The following XKR9 variants were observed in gnomAD, a reference collection of about 807,000 sequenced individuals.
The protein encoded by XKR9 is XK related 9.
In XKR9, 32 loss-of-function variants were observed where a neutral mutation model predicts 32.0. The ratio of observed to expected loss-of-function variants is 1.00; its 90% CI spans 0.76 to 1.34. The LOEUF is 1.34. Ranked by LOEUF, XKR9 falls within the 40% of genes most tolerant of loss-of-function variation. XKR9 has a pLI of 0.00. For missense variants in XKR9, 546 were observed against 429.7 expected (o/e 1.27, Z -2.39); for synonymous variants, 168 against 143.4 (o/e 1.17, Z -1.22).
chr8:70,790,795 G>T (rs926493330), downstream of XKR9, among the ~76,000 whole-genome samples: 2 of 151,938 alleles, frequency 1.3e-5, no homozygotes, highest in Non-Finnish European at 2.9e-5. Context: ...CATAAATTGG[G>T]TGGCTTATTA....
chr8:70,782,994 A>T (rs867522768), intron 2 of XKR9, among the ~76,000 whole-genome samples: 1 of 152,176 alleles, frequency 6.6e-6, no homozygotes, highest in Non-Finnish European at 1.5e-5. Flanking sequence ...TTGAGAAACC[A>T]TACAGTTTTC....
At chr8:70,779,334 G>T (rs1300046431) in intron 2 of XKR9, among the ~76,000 whole-genome samples, 1 of 152,142 alleles carries the variant, frequency 6.6e-6, no homozygotes, top group Non-Finnish European at 1.5e-5. Context: ...TTTTTGATAT[G>T]CTGCTGGATT....
the XKR9 span, among the ~76,000 whole-genome samples, chr8:70,968,977 G>A: frequency 6.6e-6 from 1 of 152,186 alleles, no homozygotes; most frequent in African/African-American, 2.4e-5. Context: ...CAGAGCAGTT[G>A]CACCATGCTG....
intron 4 of XKR9, among the ~76,000 whole-genome samples, chr8:70,719,403 G>A (rs1320633563): frequency 1.3e-5 from 2 of 152,138 alleles, no homozygotes; most frequent in Non-Finnish European, 2.9e-5. Flanking sequence ...GAATGGTATT[G>A]CCTAGGTTTT....
chr8:70,786,727 G>A (rs1376493906), intron 2 of XKR9, among the ~76,000 whole-genome samples: 2 of 152,004 alleles, frequency 1.3e-5, no homozygotes, highest in Non-Finnish European at 2.9e-5. Flanking sequence ...CAGTGACTTT[G>A]TGTCTTTTTA....
the XKR9 span, among the ~76,000 whole-genome samples, chr8:70,907,472 A>G: frequency 6.6e-6 from 1 of 152,140 alleles, no homozygotes; most frequent in South Asian, 2.1e-4. Context: ...ACCTTGCTGT[A>G]TTCATATATT....
chr8:70,777,887 C>A (rs924392963), intron 2 of XKR9, among the ~76,000 whole-genome samples: 1 of 152,080 alleles, frequency 6.6e-6, no homozygotes. Flanking sequence ...CAAACATGGT[C>A]TTCCATTCTG....
chr8:70,745,256 C>T (rs1340817602), intron 2 of XKR9, among the ~76,000 whole-genome samples: 3 of 152,054 alleles, frequency 2.0e-5, no homozygotes, highest in African/African-American at 7.2e-5. Context: ...TAATTTTATC[C>T]TCATGTTCTA....
At chr8:70,824,901 G>T in the XKR9 span, among the ~76,000 whole-genome samples, 1 of 151,918 alleles carries the variant, frequency 6.6e-6, no homozygotes, top group Non-Finnish European at 1.5e-5. Flanking sequence ...AGGGCAACAA[G>T]TACTAAGTAG....
At chr8:70,676,823 A>T (rs1818903359) in intron 2 of XKR9, among the ~76,000 whole-genome samples, 1 of 152,100 alleles carries the variant, frequency 6.6e-6, no homozygotes, top group Non-Finnish European at 1.5e-5. Context: ...CAGCCTGGGT[A>T]ATATAGAGAG....
the XKR9 span, among the ~76,000 whole-genome samples, chr8:70,871,263 A>C: frequency 6.6e-6 from 1 of 152,186 alleles, no homozygotes; most frequent in South Asian, 2.1e-4. Context: ...GAGATAACTA[A>C]TCATAAGCTT....
At chr8:71,015,797 G>A in the XKR9 span, among the ~76,000 whole-genome samples, 1 of 151,938 alleles carries the variant, frequency 6.6e-6, no homozygotes, top group East Asian at 1.9e-4. Context: ...AAACTTTTGA[G>A]TGGCTATTTT....
At chr8:70,740,057 G>T (rs1181841857), downstream of XKR9, among the ~76,000 whole-genome samples, 1 of 152,210 alleles carries the variant, frequency 6.6e-6, no homozygotes, top group African/African-American at 2.4e-5. Context: ...ATATCCTGCA[G>T]AGTGTTTTCC....
At chr8:70,973,534 T>G in the XKR9 span, among the ~76,000 whole-genome samples, 4 of 152,164 alleles carry the variant, frequency 2.6e-5, no homozygotes, top group Non-Finnish European at 4.4e-5. Context: ...TCCAGTTCCA[T>G]GAGGTGTGAC....
At chr8:70,684,681 G>A (rs1048148897) in intron 3 of XKR9, among the ~76,000 whole-genome samples, 13 of 149,472 alleles carry the variant, frequency 8.7e-5, no homozygotes, top group African/African-American at 2.2e-4. Flanking sequence ...AAAAGTGGGC[G>A]AAGGACATGA....
the XKR9 span, among the ~76,000 whole-genome samples, chr8:70,835,495 A>C: frequency 6.6e-6 from 1 of 152,054 alleles, no homozygotes; most frequent in Non-Finnish European, 1.5e-5. Flanking sequence ...GTCAATAATC[A>C]TTTATTGAAT....
At chr8:70,969,857 G>A in the XKR9 span, among the ~76,000 whole-genome samples, 16 of 152,136 alleles carry the variant, frequency 1.1e-4, no homozygotes, top group African/African-American at 2.7e-4. Flanking sequence ...CATCACCCGA[G>A]CAATATACAC....
intron 2 of XKR9, among the ~76,000 whole-genome samples, chr8:70,776,923 T>TCCCTCTCTC (rs1563477157): frequency 1.7e-5 from 1 of 59,618 alleles, no homozygotes; most frequent in Non-Finnish European, 3.2e-5. Context: ...TTCTCTTTCT[T>TCCCTCTCTC]TCTCTCTCTC....
chr8:71,001,983 A>G, the XKR9 span, among the ~76,000 whole-genome samples: 3 of 152,314 alleles, frequency 2.0e-5, no homozygotes, highest in East Asian at 5.8e-4. Flanking sequence ...AAGGTAGATT[A>G]GTTTGGGTTC....
Sources: allele counts gnomAD v4.1 joint callset (sites outside exome capture counted in the v4.1 genomes callset), GRCh38; gene constraint gnomAD v4.1.1; transcripts MANE v1.5; gene names NCBI Gene and HGNC (gene_info 2026-07-23, HGNC 2026-07-21).